PBX3: variants seen among roughly 807,000 people sequenced by gnomAD.
PBX3 encodes pre-B-cell leukemia transcription factor 3.
PBX3 carries 14 observed loss-of-function variants against 48.5 expected under a neutral mutation model. The ratio of observed to expected loss-of-function variants is 0.29; its 90% CI spans 0.19 to 0.45. The LOEUF (loss-of-function observed/expected upper bound fraction) is 0.45. PBX3 is among the 20% of genes least tolerant of loss of function. The pLI, the probability that PBX3 is intolerant of heterozygous loss-of-function variation, is 1.00. For missense variants in PBX3, 386 were observed against 546.7 expected (o/e 0.71, Z 2.93); for synonymous variants, 210 against 200.3 (o/e 1.05, Z -0.41).
At chr9:125,960,498 A>G (rs143459695) in intron 5 of PBX3, among the ~76,000 whole-genome samples, 186 bp from the exon 6 acceptor site, 3 of 152,342 alleles carry the variant, frequency 2.0e-5, no homozygotes, top group African/African-American at 7.2e-5. Flanking sequence ...TTCCAAAAGA[A>G]TGTGAGAGTT....
intron 2 of PBX3, among the ~76,000 whole-genome samples, chr9:125,764,769 GAC>G (rs1836760024): frequency 6.6e-6 from 1 of 152,084 alleles, no homozygotes; most frequent in Admixed American, 6.6e-5. Flanking sequence ...GCTTTTCAGG[GAC>G]AGTTATAGTA....
At chr9:125,803,594 G>T (rs1053921194) in intron 2 of PBX3, among the ~76,000 whole-genome samples, 2 of 152,154 alleles carry the variant, frequency 1.3e-5, no homozygotes, top group Non-Finnish European at 2.9e-5. Flanking sequence ...AGGATTTTCT[G>T]ATGTTTTCTT....
At chr9:125,811,155 A>G (rs1838278798) in intron 2 of PBX3, among the ~76,000 whole-genome samples, 1 of 152,190 alleles carries the variant, frequency 6.6e-6, no homozygotes, top group Admixed American at 6.5e-5. Flanking sequence ...CCTGTCCAAT[A>G]GCTTCTCCGT....
At position 125,793,358 on chromosome 9, in the gene PBX3, A is replaced by G. The variant is rs989402116; in HGVS notation, c.274+44735A>G. 3.2e-3 allele frequency among the ~76,000 whole-genome samples: 268 copies of G among 83,564 alleles called. 6 individuals are homozygous for G. The highest frequency in any genetic ancestry group is 0.018 in the African/African-American group (224 of 12,662). The allele number at this position is 83,564 out of a possible 152,430, so 54.8% of individuals were successfully genotyped here. A position where few individuals can be genotyped will look rare whatever the true frequency, so the allele number is the denominator to read the frequency against. On this transcript the variant is annotated intron_variant, in intron 2 of 8. Coordinates refer to ENST00000373489, the MANE Select transcript of PBX3 (RefSeq NM_006195.6). ...CAGAGTGAGACTCCATTTGGGGGGG[A>G]AAAAAAAAATATATATATATATATA...
intron 2 of PBX3, among the ~76,000 whole-genome samples, chr9:125,827,869 A>G (rs562707610): frequency 6.6e-6 from 1 of 152,146 alleles, no homozygotes; most frequent in Non-Finnish European, 1.5e-5. Context: ...TGTATATCCA[A>G]CTTTATCTGA....
At chr9:125,776,762 T>C (rs555767716) in intron 2 of PBX3, among the ~76,000 whole-genome samples, 1 of 152,126 alleles carries the variant, frequency 6.6e-6, no homozygotes, top group Non-Finnish European at 1.5e-5. Context: ...CAGGCTGGTC[T>C]TGAACTCCTG....
rs752736327 is a variant in PBX3, at chr9:125,915,845, ACT to A, written c.437_438del (p.Ser146TyrfsTer2). On this transcript the variant is annotated frameshift_variant, in exon 3 of 9. Coordinates refer to ENST00000373489, the MANE Select transcript of PBX3 (RefSeq NM_006195.6). LOFTEE classifies it high-confidence loss of function. ...GCAGCCTCTGGAGGTTCTTCAGATAACTCTATTGAACACTCAGATTACAGAGC... is the reference window on the plus strand; with the variant it reads ...GCAGCCTCTGGAGGTTCTTCAGATAACTATTGAACACTCAGATTACAGAGC... 1 of 1,613,996 alleles carries A rather than the reference ACT, an allele frequency of 6.2e-7. No homozygotes were observed. The highest frequency in any genetic ancestry group is 1.1e-5 in the South Asian group (1 of 91,068).
At chr9:125,948,333 A>G (rs569735955) in intron 5 of PBX3, among the ~76,000 whole-genome samples, 10 of 152,370 alleles carry the variant, frequency 6.6e-5, no homozygotes, top group Middle Eastern at 6.8e-3. Flanking sequence ...AAAGTTGACT[A>G]TATTCTGGGA....
At chr9:125,832,149 T>G (rs1838978410) in intron 2 of PBX3, among the ~76,000 whole-genome samples, 1 of 151,990 alleles carries the variant, frequency 6.6e-6, no homozygotes, top group Admixed American at 6.5e-5. Context: ...TTAAGATAAT[T>G]ACTTGATTTA....
intron 2 of PBX3, among the ~76,000 whole-genome samples, chr9:125,892,917 CTT>C (rs1283889662): frequency 6.6e-6 from 1 of 152,128 alleles, no homozygotes; most frequent in African/African-American, 2.4e-5. Context: ...GCTTTAATGT[CTT>C]TGCCTCGCTG....
At chr9:125,807,951 CTG>C (rs1190580430) in intron 2 of PBX3, among the ~76,000 whole-genome samples, 6 of 152,174 alleles carry the variant, frequency 3.9e-5, no homozygotes, top group East Asian at 1.9e-4. Flanking sequence ...GTTATTAAGT[CTG>C]TGAAATTTTG....
At chr9:125,863,123 C>T (rs1839901782) in intron 2 of PBX3, among the ~76,000 whole-genome samples, 3 of 151,946 alleles carry the variant, frequency 2.0e-5, no homozygotes, top group African/African-American at 7.3e-5. Flanking sequence ...GTCTTGAACT[C>T]CTGGGTTCCA....
intron 2 of PBX3, among the ~76,000 whole-genome samples, chr9:125,783,522 A>C (rs1418755031): frequency 6.6e-6 from 1 of 152,024 alleles, no homozygotes; most frequent in Non-Finnish European, 1.5e-5. Flanking sequence ...TCCTGACCTC[A>C]AGTAATATGC....
intron 2 of PBX3, among the ~76,000 whole-genome samples, chr9:125,794,090 A>C (rs1389173953): frequency 6.6e-6 from 1 of 152,214 alleles, no homozygotes; most frequent in African/African-American, 2.4e-5. Flanking sequence ...TGAATTCTTA[A>C]TTTTACAAAT....
intron 2 of PBX3, among the ~76,000 whole-genome samples, chr9:125,851,779 T>C (rs922111970): frequency 6.6e-6 from 1 of 152,138 alleles, no homozygotes; most frequent in African/African-American, 2.4e-5. Flanking sequence ...TCTTGGGTGC[T>C]CACTGTGTAT....
At chr9:125,802,891 C>A (rs1331978715) in intron 2 of PBX3, among the ~76,000 whole-genome samples, 1 of 152,076 alleles carries the variant, frequency 6.6e-6, no homozygotes, top group African/African-American at 2.4e-5. Flanking sequence ...ATCGGTCAAA[C>A]TGGTCTCGAA....
intron 2 of PBX3, among the ~76,000 whole-genome samples, chr9:125,763,725 T>C (rs946014300): frequency 1.3e-5 from 2 of 152,224 alleles, no homozygotes; most frequent in Non-Finnish European, 2.9e-5. Context: ...CAATGATTAA[T>C]GGCAGTGAGC....
intron 2 of PBX3, among the ~76,000 whole-genome samples, chr9:125,862,242 G>A (rs1193444453): frequency 6.6e-6 from 1 of 152,140 alleles, no homozygotes; most frequent in Non-Finnish European, 1.5e-5. Context: ...ACCATTTGAT[G>A]ACTGTTGCCT....
At chr9:125,872,595 CA>C (rs1483944553) in intron 2 of PBX3, among the ~76,000 whole-genome samples, 1 of 151,604 alleles carries the variant, frequency 6.6e-6, no homozygotes, top group Non-Finnish European at 1.5e-5. Context: ...CCCCATCTCA[CA>C]AAAAAATTTT....
Sources: gnomAD v4.1 joint callset for allele counts (sites outside exome capture counted in the v4.1 genomes callset) on GRCh38, gnomAD v4.1.1 for gene constraint, MANE v1.5 for transcripts, NCBI Gene and HGNC (gene_info 2026-07-23, HGNC 2026-07-21) for gene names.